Variants in ST6GALNAC5 observed in about 807,000 individuals in gnomAD.
The protein encoded by ST6GALNAC5 is alpha-N-acetylgalactosaminide alpha-2,6-sialyltransferase 5.
A neutral mutation model predicts 33.6 loss-of-function variants in ST6GALNAC5; 27 were observed. That is an observed-to-expected ratio of 0.80 (90% CI 0.59 to 1.11). ST6GALNAC5 has a LOEUF of 1.11. Among genes scored for constraint, ST6GALNAC5 ranks in the 50% least tolerant of loss-of-function variants. The pLI, the probability that ST6GALNAC5 is intolerant of heterozygous loss-of-function variation, is 0.00. For missense variants in ST6GALNAC5, 428 were observed against 454.0 expected, an observed-to-expected ratio of 0.94 and a Z score of 0.52; for synonymous variants, 194 against 171.2, an observed-to-expected ratio of 1.13 and a Z score of -1.04.
chr1:76,971,975 A>G (rs991944158), intron 2 of ST6GALNAC5, among the ~76,000 whole-genome samples: 6 of 152,204 alleles, frequency 3.9e-5, no homozygotes, highest in African/African-American at 1.4e-4. Context: ...GTTACTTTTT[A>G]AAGTTTTCAT....
chr1:76,996,832 A>C (rs149251912), intron 2 of ST6GALNAC5, among the ~76,000 whole-genome samples: 1 of 152,152 alleles, frequency 6.6e-6, no homozygotes. Context: ...AATAACCTGC[A>C]AAGGTGTGAG....
chr1:77,058,378 G>A (rs764346025), intron 4 of ST6GALNAC5, among the ~76,000 whole-genome samples: 1 of 152,228 alleles, frequency 6.6e-6, no homozygotes, highest in Non-Finnish European at 1.5e-5. Flanking sequence ...GGTCATGGGG[G>A]CAGATCCCTC....
At chr1:76,957,367 T>C (rs886152251) in intron 2 of ST6GALNAC5, among the ~76,000 whole-genome samples, 1 of 152,158 alleles carries the variant, frequency 6.6e-6, no homozygotes, top group Non-Finnish European at 1.5e-5. Flanking sequence ...TCTCTGTCCC[T>C]CCTCTCTTCT....
intron 2 of ST6GALNAC5, among the ~76,000 whole-genome samples, chr1:76,876,764 T>C (rs564061180): frequency 2.0e-4 from 31 of 152,326 alleles, no homozygotes; most frequent in African/African-American, 6.5e-4. Context: ...GAAAGGGCCA[T>C]AGTGCTGCAG....
intron 2 of ST6GALNAC5, among the ~76,000 whole-genome samples, chr1:76,996,820 A>C (rs1649956220): frequency 6.6e-6 from 1 of 152,168 alleles, no homozygotes; most frequent in Non-Finnish European, 1.5e-5. Context: ...TCCAAGTGAG[A>C]AAATAACCTG....
intron 2 of ST6GALNAC5, among the ~76,000 whole-genome samples, chr1:76,919,729 T>A (rs983002149): frequency 1.3e-5 from 2 of 152,156 alleles, no homozygotes; most frequent in Non-Finnish European, 2.9e-5. Flanking sequence ...AGTTCTTAGT[T>A]ACTTGAAAAA....
intron 2 of ST6GALNAC5, among the ~76,000 whole-genome samples, chr1:77,004,253 C>T (rs1346321202): frequency 6.7e-6 from 1 of 149,144 alleles, no homozygotes; most frequent in African/African-American, 2.4e-5. Context: ...CATCTTCCAT[C>T]GCTGATACCC....
chr1:76,937,036 C>T lies in ST6GALNAC5; in HGVS notation c.261+68294C>T, dbSNP rs1053180415. 3.4e-5 allele frequency among the ~76,000 whole-genome samples: 5 copies of T among 148,968 alleles called. No homozygotes were observed. In the East Asian group the frequency reaches 9.9e-4, roughly 29 times the overall value. On this transcript the variant is annotated intron_variant, in intron 2 of 4. Transcript: ENST00000477717. ...TAAGAGACATATTTTGGATACATTCCTCAGAGATGCCGTGTTGAGATGTTT... is the reference window on the plus strand; with the variant it reads ...TAAGAGACATATTTTGGATACATTCTTCAGAGATGCCGTGTTGAGATGTTT...
rs145642117 is a variant in ST6GALNAC5 at position 76,960,826 on chromosome 1, C to T, written c.262-83378C>T. On this transcript the variant is annotated intron_variant, in intron 2 of 4. Coordinates refer to ENST00000477717, the MANE Select transcript of ST6GALNAC5 (RefSeq NM_030965.3). ...AAGGTTACCTCTCTTGTTTTCTGAA[C>T]GTTGCTGTTATCCTGTTCTTTTTCA... Among the ~76,000 whole-genome samples the T allele has an allele frequency of 1.7e-3, 264 of 152,262 alleles. 1 individual carries two copies. The highest frequency in any genetic ancestry group is 5.9e-3 in the African/African-American group (245 of 41,552).
rs143010807 is a variant in ST6GALNAC5, at chr1:76,868,678, A to G, written c.197A>G (p.Gln66Arg). Residue 66 changes from glutamine to arginine, a missense_variant, in exon 2 of 5, where the codon CAG (glutamine) becomes CGG (arginine). Gln to Arg is a conservative substitution (Grantham distance 43, BLOSUM62 1). Coordinates refer to ENST00000477717, the MANE Select transcript of ST6GALNAC5 (RefSeq NM_030965.3). The surrounding 1 kb of genome is among the most constrained non-coding windows in gnomAD (Gnocchi z 4.3). ...SQPAAESSTQQRPGVPAGPRP... is the reference protein window; with the variant it reads ...SQPAAESSTQRRPGVPAGPRP... ...CCGGCGGCGGAGAGCAGCACCCAGC[A>G]GCGCCCCGGGGTCCCCGCGGGACCG... 2,463 of 1,564,438 alleles carry G rather than the reference A, an allele frequency of 1.6e-3. 9 individuals carry two copies. The Middle Eastern group carries it at 0.021, about 13-fold the overall frequency.
In ST6GALNAC5 at chr1:77,044,218, C is replaced by T. The variant is rs969031446; in HGVS notation, c.276C>T (p.His92=). Residue 92 remains histidine (H), a synonymous_variant, in exon 3 of 5, where the codon CAC becomes CAT. Coordinates refer to ENST00000477717, the MANE Select transcript of ST6GALNAC5 (RefSeq NM_030965.3). ...GVADHKPLKM[H]CRDCALVTSS... ...CTGCCTTCCAGCCCCTGAAAATGCA[C>T]TGCAGGGACTGTGCCCTGGTGACCA... 1.2e-6 allele frequency: 2 copies of T among 1,608,654 alleles called. No homozygotes were observed. The highest frequency in any genetic ancestry group is 1.7e-6 in the Non-Finnish European group (2 of 1,176,920).
intron 2 of ST6GALNAC5, among the ~76,000 whole-genome samples, chr1:76,920,980 A>C (rs544449516): frequency 6.6e-6 from 1 of 152,326 alleles, no homozygotes; most frequent in African/African-American, 2.4e-5. Flanking sequence ...ATGAATGAGA[A>C]GTGAACTGCT....
intron 2 of ST6GALNAC5, among the ~76,000 whole-genome samples, chr1:77,005,653 C>G (rs1285940648): frequency 6.6e-6 from 1 of 152,206 alleles, no homozygotes; most frequent in African/African-American, 2.4e-5. Context: ...ACATGCAGAA[C>G]TTTATTCTCA....
chr1:76,906,716 A>G (rs777882429), intron 2 of ST6GALNAC5, among the ~76,000 whole-genome samples: 2 of 152,150 alleles, frequency 1.3e-5, no homozygotes, highest in African/African-American at 4.8e-5. Flanking sequence ...TTTTGCTTAG[A>G]CGTGTGTATA....
intron 2 of ST6GALNAC5, among the ~76,000 whole-genome samples, chr1:77,019,728 C>T (rs144737691): frequency 1.3e-5 from 2 of 152,280 alleles, no homozygotes; most frequent in African/African-American, 4.8e-5. Context: ...AGTGTTTAGG[C>T]GGTTAGCTCT....
chr1:76,888,802 C>T (rs1374210477), intron 2 of ST6GALNAC5, among the ~76,000 whole-genome samples: 5 of 148,948 alleles, frequency 3.4e-5, no homozygotes, highest in Non-Finnish European at 7.4e-5. Flanking sequence ...AAATAAAAAT[C>T]GTATATATTT....
chr1:77,014,527 A>T (rs964252796), intron 2 of ST6GALNAC5, among the ~76,000 whole-genome samples: 1 of 152,236 alleles, frequency 6.6e-6, no homozygotes, highest in Admixed American at 6.5e-5. Context: ...TTATGACAGT[A>T]ACTACCACCC....
At chr1:76,948,727 C>T (rs1647627216) in intron 2 of ST6GALNAC5, among the ~76,000 whole-genome samples, 1 of 152,044 alleles carries the variant, frequency 6.6e-6, no homozygotes, top group African/African-American at 2.4e-5. Flanking sequence ...TAACTACTCC[C>T]ACCATAGTGA....
At chr1:77,036,349 C>T (rs1651645248) in intron 2 of ST6GALNAC5, among the ~76,000 whole-genome samples, 1 of 151,964 alleles carries the variant, frequency 6.6e-6, no homozygotes, top group African/African-American at 2.4e-5. Flanking sequence ...TGATGGTTGC[C>T]CAACTCTCTA....
Sources: allele counts gnomAD v4.1 joint callset (sites outside exome capture counted in the v4.1 genomes callset), GRCh38; gene constraint gnomAD v4.1.1; non-coding constraint Gnocchi (gnomAD v3.1); transcripts MANE v1.5; gene names NCBI Gene and HGNC (gene_info 2026-07-23, HGNC 2026-07-21).